PCDHAC1: variants seen among roughly 807,000 people sequenced by gnomAD.
PCDHAC1 encodes protocadherin alpha subfamily C, 1, also known as protocadherin alpha-C1.
A neutral mutation model predicts 60.0 loss-of-function variants in PCDHAC1; 42 were observed. That is an observed-to-expected ratio of 0.70 (90% CI 0.55 to 0.90). The LOEUF is 0.90. Ranked by LOEUF, PCDHAC1 falls within the 40% of genes least tolerant of loss-of-function variation. The pLI is 0.00. For missense variants in PCDHAC1, 1,160 were observed against 1,222.3 expected, an observed-to-expected ratio of 0.95 and a Z score of 0.76; for synonymous variants, 468 against 499.3, an observed-to-expected ratio of 0.94 and a Z score of 0.84.
intron 1 of PCDHAC1, chr5:140,968,189 TC>T: frequency 6.2e-7 from 1 of 1,614,034 alleles, no homozygotes; most frequent in Non-Finnish European, 8.5e-7. Context: ...GGACTCCTAT[TC>T]CATCTACATA....
intron 3 of PCDHAC1, among the ~76,000 whole-genome samples, chr5:140,994,795 G>A (rs2097650396): frequency 6.6e-6 from 1 of 152,184 alleles, no homozygotes; most frequent in Admixed American, 6.6e-5. Flanking sequence ...ATGCGTGCAT[G>A]CAAAAACAAA....
At position 140,927,486 on chromosome 5, in the gene PCDHAC1, C is replaced by T. The variant is rs782314357; in HGVS notation, c.594C>T (p.Thr198=). ...CACTGGATCGCGAACAGCGCGCCAC[C>T]CACCTGCTGGTGCTTACAGCTCGGG... ...EKALDREQRA[T]HLLVLTARDG... is the part of the protein sequence containing the mutation. The change falls in exon 1 of 4, where the codon ACC becomes ACT. Residue 198 remains threonine, a synonymous_variant. Transcript: ENST00000253807. 6.8e-6 allele frequency: 11 copies of T among 1,614,010 alleles called. No individual in the cohort carries two copies. The highest frequency in any genetic ancestry group is 8.5e-6 in the Non-Finnish European group (10 of 1,180,050).
At chr5:140,953,118 A>G (rs2094850559) in intron 1 of PCDHAC1, among the ~76,000 whole-genome samples, 1 of 152,162 alleles carries the variant, frequency 6.6e-6, no homozygotes, top group Non-Finnish European at 1.5e-5. Context: ...AGGGACACAG[A>G]TCTAAACCGT....
At chr5:140,966,125 C>T (rs1443798693) in intron 1 of PCDHAC1, 1 of 159,140 alleles carries the variant, frequency 6.3e-6, no homozygotes, top group African/African-American at 2.4e-5. Context: ...TTAGCTAAGG[C>T]CCCTCAGTTT....
chr5:140,973,782 C>T lies in PCDHAC1; in HGVS notation c.2434-5167C>T, dbSNP rs533593200. ...CACAGCCTGGCATATTATAGGTTGCCTATTGGCATGCTGTCTACTTGACAG... is the reference window on the plus strand; with the variant it reads ...CACAGCCTGGCATATTATAGGTTGCTTATTGGCATGCTGTCTACTTGACAG... On this transcript the variant is annotated intron_variant, in intron 1 of 3. Transcript: ENST00000253807. 1.5e-3 allele frequency among the ~76,000 whole-genome samples: 225 copies of T among 152,326 alleles called. 1 individual carries two copies. Among genetic ancestry groups the T allele is most frequent in the African/African-American group, 5.2e-3 (216 of 41,582 alleles).
chr5:140,982,416 A>C, intron 2 of PCDHAC1, 59 bp from the exon 3 acceptor site: 1 of 1,610,294 alleles, frequency 6.2e-7, no homozygotes, highest in Non-Finnish European at 8.5e-7. Context: ...TGAGGGTGGA[A>C]GAAGAGATGG....
rs1351145867 is a variant in PCDHAC1, at chr5:141,012,314, G to T, written c.*2377G>T. On this transcript the variant is annotated 3_prime_UTR_variant, in exon 4 of 4. Coordinates refer to ENST00000253807, the MANE Select transcript of PCDHAC1 (RefSeq NM_018898.5). ...AATTGGTGCTATTGGTATTTCCTCTGTTATTGCTAATAAATGAAAATGGTG... is the reference window on the plus strand; with the variant it reads ...AATTGGTGCTATTGGTATTTCCTCTTTTATTGCTAATAAATGAAAATGGTG... The T allele has an allele frequency of 6.5e-6, 1 of 153,728 alleles. No individual in the cohort carries two copies. The highest frequency in any genetic ancestry group is 2.4e-5 in the African/African-American group (1 of 41,440). 9.5% of individuals were successfully genotyped at this position (153,728 alleles called of 1,614,324 possible). A position where few individuals can be genotyped will look rare whatever the true frequency, so the allele number is the denominator to read the frequency against.
chr5:140,973,209 C>T (rs1273068326), intron 1 of PCDHAC1, among the ~76,000 whole-genome samples: 4 of 152,100 alleles, frequency 2.6e-5, no homozygotes, highest in Non-Finnish European at 4.4e-5. Flanking sequence ...GCATATTCAC[C>T]CTAATTCCAG....
chr5:140,974,534 G>A (rs929112962), intron 1 of PCDHAC1, among the ~76,000 whole-genome samples: 4 of 151,974 alleles, frequency 2.6e-5, no homozygotes, highest in Admixed American at 1.3e-4. Flanking sequence ...TTTTTGAGAC[G>A]GAGTTTTGCT....
At chr5:140,974,799 A>G (rs116037205) in intron 1 of PCDHAC1, among the ~76,000 whole-genome samples, 2 of 152,294 alleles carry the variant, frequency 1.3e-5, no homozygotes, top group African/African-American at 2.4e-5. Context: ...TCATTTTGAT[A>G]TACTAGAAGA....
intron 3 of PCDHAC1, among the ~76,000 whole-genome samples, chr5:140,984,824 C>T (rs920985683): frequency 6.6e-6 from 1 of 151,980 alleles, no homozygotes; most frequent in African/African-American, 2.4e-5. Flanking sequence ...TCTTAATTAC[C>T]CTTTCTGTAA....
At chr5:140,984,945 C>A (rs1316955910) in intron 3 of PCDHAC1, among the ~76,000 whole-genome samples, 1 of 149,212 alleles carries the variant, frequency 6.7e-6, no homozygotes, top group Non-Finnish European at 1.5e-5. Flanking sequence ...AATGTCTAAT[C>A]TTTTTTTTTT....
At chr5:140,988,007 A>G (rs2097277966) in intron 3 of PCDHAC1, among the ~76,000 whole-genome samples, 1 of 152,230 alleles carries the variant, frequency 6.6e-6, no homozygotes, top group Non-Finnish European at 1.5e-5. Context: ...TTCCCCAGAA[A>G]GAAAGCATGA....
intron 1 of PCDHAC1, among the ~76,000 whole-genome samples, chr5:140,944,925 A>T (rs1457519692): frequency 6.6e-6 from 1 of 152,158 alleles, no homozygotes; most frequent in African/African-American, 2.4e-5. Flanking sequence ...ATATTGGTTT[A>T]TGCCTTCTTT....
chr5:141,009,269 A>G (rs2098404104), intron 3 of PCDHAC1, among the ~76,000 whole-genome samples: 1 of 152,140 alleles, frequency 6.6e-6, no homozygotes, highest in Non-Finnish European at 1.5e-5. Flanking sequence ...AGCCTGGGCA[A>G]CATAGTGAGA....
At chr5:140,963,556 T>A (rs891498931) in intron 1 of PCDHAC1, among the ~76,000 whole-genome samples, 28 of 152,238 alleles carry the variant, frequency 1.8e-4, no homozygotes, top group Non-Finnish European at 3.4e-4. Context: ...AAAAAGGGGC[T>A]GTTTTCTGGT....
chr5:140,959,763 C>A (rs2095510059), intron 1 of PCDHAC1, among the ~76,000 whole-genome samples: 2 of 152,170 alleles, frequency 1.3e-5, no homozygotes, highest in South Asian at 4.1e-4. Flanking sequence ...TTTTAATATT[C>A]AGTAAGAACA....
In PCDHAC1 at chr5:140,927,041, T is replaced by C; in HGVS notation, c.149T>C (p.Met50Thr). The part of the protein sequence containing the change: ...SADLRLPAAA[M>T]SSRNFRFLSS... ...GACTTGAGGCTGCCAGCGGCCGCTA[T>C]GTCCTCGCGGAACTTTCGCTTCCTT... Residue 50 changes from methionine (M) to threonine (T), a missense_variant, in exon 1 of 4, where the codon ATG becomes ACG. Around this residue, in one of 3 missense-constraint regions of PCDHAC1, gnomAD observed 1,113 missense variants for 1,163.7 expected, o/e 0.96. Transcript: ENST00000253807. The C allele has an allele frequency of 6.2e-7, 1 of 1,612,456 alleles. No individual in the cohort carries two copies. The highest frequency in any genetic ancestry group is 1.1e-5 in the South Asian group (1 of 90,926).
chr5:140,991,534 T>C (rs1393603513), intron 3 of PCDHAC1, among the ~76,000 whole-genome samples: 1 of 152,236 alleles, frequency 6.6e-6, no homozygotes, highest in African/African-American at 2.4e-5. Context: ...CTTGCCACTA[T>C]ATAACAAGGA....
Sources: gnomAD v4.1 joint callset for allele counts (sites outside exome capture counted in the v4.1 genomes callset) on GRCh38, gnomAD v4.1.1 for gene constraint, gnomAD v4.1.1 regional missense constraint, MANE v1.5 for transcripts, NCBI Gene and HGNC (gene_info 2026-07-23, HGNC 2026-07-21) for gene names.